The following VDAC1 variants were observed in gnomAD, a reference collection of about 807,000 sequenced individuals.
The protein encoded by VDAC1 is non-selective voltage-gated ion channel VDAC1.
Under a neutral mutation model 34.7 loss-of-function variants are expected in VDAC1, and 10 were observed. The ratio of observed to expected loss-of-function variants is 0.29; its 90% CI spans 0.18 to 0.49. The LOEUF (loss-of-function observed/expected upper bound fraction) is 0.49, where lower values mean the gene tolerates loss of function less well. Among genes scored for constraint, VDAC1 ranks in the 20% least tolerant of loss-of-function variants. The probability of loss-of-function intolerance (pLI) is 0.99; values close to 1 mark genes in which losing one functional copy is unlikely to be tolerated. For missense variants in VDAC1, 230 were observed against 347.9 expected, an observed-to-expected ratio of 0.66 and a Z score of 2.69; for synonymous variants, 130 against 136.0, an observed-to-expected ratio of 0.96 and a Z score of 0.30.
At chr5:134,016,804 T>G in the VDAC1 span, among the ~76,000 whole-genome samples, 1 of 152,240 alleles carries the variant, frequency 6.6e-6, no homozygotes, top group African/African-American at 2.4e-5. Flanking sequence ...TCAGGCACTG[T>G]CTGTCCAAAC....
At chr5:134,014,643 G>A in the VDAC1 span, among the ~76,000 whole-genome samples, 13 of 152,220 alleles carry the variant, frequency 8.5e-5, no homozygotes, top group South Asian at 2.1e-4. Flanking sequence ...TGAGGCAGGC[G>A]GATCACAAGG....
chr5:134,058,634 G>A, the VDAC1 span, among the ~76,000 whole-genome samples: 1 of 152,304 alleles, frequency 6.6e-6, no homozygotes, highest in Non-Finnish European at 1.5e-5. Context: ...TGACTCTTAA[G>A]GCCACCTGAG....
chr5:134,106,228 CTGTGGT>C, the VDAC1 span, among the ~76,000 whole-genome samples: 2 of 152,178 alleles, frequency 1.3e-5, no homozygotes, highest in African/African-American at 4.8e-5. Flanking sequence ...GCTCATGTGG[CTGTGGT>C]GAAGACCAAA....
At chr5:134,081,707 A>G in the VDAC1 span, among the ~76,000 whole-genome samples, 1 of 152,176 alleles carries the variant, frequency 6.6e-6, no homozygotes, top group Admixed American at 6.5e-5. Flanking sequence ...CAGCTGGAAG[A>G]AGGATATGGT....
the VDAC1 span, among the ~76,000 whole-genome samples, chr5:134,055,050 C>T: frequency 3.9e-5 from 6 of 152,180 alleles, no homozygotes; most frequent in Non-Finnish European, 7.3e-5. Flanking sequence ...TGCACATAAA[C>T]GGAAAGCAAA....
chr5:134,048,129 T>G, the VDAC1 span, among the ~76,000 whole-genome samples: 26,501 of 151,342 alleles, frequency 0.18, 2,533 homozygotes, highest in East Asian at 0.28. Context: ...CACCATGCCC[T>G]GCTAACTTTT....
upstream of VDAC1, among the ~76,000 whole-genome samples, chr5:134,006,737 T>TC (rs60521440): frequency 0.028 from 1,132 of 40,982 alleles, 71 homozygotes; most frequent in African/African-American, 0.085. Context: ...AGTGACATTG[T>TC]CCCCCCCCCC....
chr5:134,051,279 A>T, the VDAC1 span, among the ~76,000 whole-genome samples: 59 of 152,356 alleles, frequency 3.9e-4, no homozygotes, highest in Middle Eastern at 0.017. Context: ...TCTGATGCTG[A>T]GCCCGCTCTC....
chr5:134,078,725 A>T, the VDAC1 span, among the ~76,000 whole-genome samples: 4 of 136,328 alleles, frequency 2.9e-5, no homozygotes. Context: ...ATCTTGGCTC[A>T]CTGAGACCTC....
the VDAC1 span, among the ~76,000 whole-genome samples, chr5:134,090,936 C>A: frequency 1.3e-5 from 2 of 152,202 alleles, no homozygotes; most frequent in South Asian, 2.1e-4. Flanking sequence ...TCAGATCCAA[C>A]TGCAGTGGCT....
chr5:133,980,638 A>G, intron 6 of VDAC1, 91 bp downstream of exon 6: 1 of 985,590 alleles, frequency 1.0e-6, no homozygotes, highest in Non-Finnish European at 1.4e-6. Context: ...CTTTCTTAAA[A>G]AAAAAAAAAA....
chr5:134,103,091 C>T, the VDAC1 span, among the ~76,000 whole-genome samples: 2 of 152,124 alleles, frequency 1.3e-5, no homozygotes, highest in African/African-American at 4.8e-5. Context: ...CACGTCATGA[C>T]CCCACGCCCT....
chr5:134,088,005 A>T, the VDAC1 span, among the ~76,000 whole-genome samples: 22 of 150,300 alleles, frequency 1.5e-4, no homozygotes, highest in Non-Finnish European at 3.0e-4. Flanking sequence ...ACAAAAAAAA[A>T]TTAGCCGGGC....
chr5:133,988,126 GATTA>G (rs764328259), intron 5 of VDAC1, among the ~76,000 whole-genome samples: 1 of 152,194 alleles, frequency 6.6e-6, no homozygotes, highest in African/African-American at 2.4e-5. Context: ...TGTGACAACA[GATTA>G]ATTAACTATA....
chr5:134,069,125 G>GA, the VDAC1 span, among the ~76,000 whole-genome samples: 946 of 151,296 alleles, frequency 6.3e-3, 9 homozygotes, highest in Admixed American at 0.01. Context: ...GCTTTCAGAA[G>GA]AAAAAAAATG....
chr5:133,993,305 A>G (rs1753173848), intron 1 of VDAC1, among the ~76,000 whole-genome samples: 1 of 152,220 alleles, frequency 6.6e-6, no homozygotes, highest in Non-Finnish European at 1.5e-5. Flanking sequence ...ACAGAGTAGG[A>G]GTCAGGAAAT....
the VDAC1 span, among the ~76,000 whole-genome samples, chr5:134,079,008 T>C: frequency 6.6e-6 from 1 of 151,016 alleles, no homozygotes; most frequent in Admixed American, 6.6e-5. Flanking sequence ...GGTTTCACTC[T>C]GTGGCCCAGG....
the VDAC1 span, among the ~76,000 whole-genome samples, chr5:134,104,863 G>T: frequency 6.6e-6 from 1 of 152,216 alleles, no homozygotes; most frequent in Non-Finnish European, 1.5e-5. Context: ...GGATGCACTC[G>T]GAGGAGCTGC....
At chr5:134,054,900 G>A in the VDAC1 span, among the ~76,000 whole-genome samples, 2 of 152,190 alleles carry the variant, frequency 1.3e-5, no homozygotes, top group Non-Finnish European at 2.9e-5. Context: ...TAGAGGTGGC[G>A]AGCAGAGGGC....
Sources: allele counts gnomAD v4.1 joint callset (sites outside exome capture counted in the v4.1 genomes callset), GRCh38; gene constraint gnomAD v4.1.1; transcripts MANE v1.5; gene names NCBI Gene and HGNC (gene_info 2026-07-23, HGNC 2026-07-21).